GRM5: variants seen among roughly 807,000 people sequenced by gnomAD.
GRM5 encodes metabotropic glutamate receptor 5.
GRM5 carries 19 observed loss-of-function variants against 83.1 expected under a neutral mutation model. That is an observed-to-expected ratio of 0.23 (90% CI 0.16 to 0.34). The LOEUF is 0.34. GRM5 is among the 10% of genes least tolerant of loss of function. The pLI, the probability that GRM5 is intolerant of heterozygous loss-of-function variation, is 1.00. For missense variants in GRM5, 1,160 were observed against 1,588.3 expected, an observed-to-expected ratio of 0.73 and a Z score of 4.58; for synonymous variants, 675 against 633.6, an observed-to-expected ratio of 1.07 and a Z score of -0.98.
Position 88,654,003 on chromosome 11 carries a change from A to G in GRM5, c.912-600T>C, listed in dbSNP as rs1939703948. ...AATCTTTGTAGTCCATAGTCCATAC[A>G]CTATTTTCTATCCCATGGAATCTCT... On this transcript the variant is annotated intron_variant, in intron 3 of 9. Transcript: ENST00000305447. Among the ~76,000 whole-genome samples, 3 of 152,186 alleles carry G rather than the reference A, an allele frequency of 2.0e-5. No individual in the cohort carries two copies. In the South Asian group the frequency reaches 6.2e-4, roughly 32 times the overall value.
At position 88,597,298 on chromosome 11, in the gene GRM5, G is replaced by T; in HGVS notation, c.1449C>A (p.Asn483Lys). 1 of 1,571,438 alleles carries T rather than the reference G, an allele frequency of 6.4e-7. No individual in the cohort carries two copies. The highest frequency in any genetic ancestry group is 8.8e-7 in the Non-Finnish European group (1 of 1,142,744). ...ATTCTCCATTGTCCCAACTTCCAAC[G>T]TTGATATAATCAAAGTAATCTTTTC... ...EMGKDYFDYI[N>K]VGSWDNGELK... The change falls in exon 6 of 10, where the codon AAC becomes AAA. Residue 483 changes from asparagine (N) to lysine (K), a missense_variant. This residue lies in a region of GRM5 where 132 missense variants were observed against 197.6 expected (regional missense o/e 0.67). Coordinates refer to ENST00000305447, the MANE Select transcript of GRM5 (RefSeq NM_001143831.3).
chr11:88,613,207 T>G (rs1938376668), intron 4 of GRM5, among the ~76,000 whole-genome samples: 1 of 152,172 alleles, frequency 6.6e-6, no homozygotes, highest in Non-Finnish European at 1.5e-5. Context: ...AGATGTGTAA[T>G]TAGCTCCAAT....
intron 4 of GRM5, among the ~76,000 whole-genome samples, chr11:88,632,408 T>A (rs1204923606): frequency 6.6e-6 from 1 of 151,964 alleles, no homozygotes; most frequent in Non-Finnish European, 1.5e-5. Flanking sequence ...AATGTTTCTA[T>A]TTTTTTGTAG....
At chr11:88,583,114 G>GTT (rs111498481) in intron 7 of GRM5, among the ~76,000 whole-genome samples, 1 of 145,736 alleles carries the variant, frequency 6.9e-6, no homozygotes, top group African/African-American at 2.5e-5. Context: ...TTATTAAAAG[G>GTT]CAAAAAAAAA....
intron 8 of GRM5, among the ~76,000 whole-genome samples, chr11:88,549,835 TTGAATAATGTGA>T (rs1942465194): frequency 6.6e-6 from 1 of 152,102 alleles, no homozygotes; most frequent in African/African-American, 2.4e-5. Context: ...AATTTGAGTA[TTGAATAATGTGA>T]TTACATTTTC....
At chr11:89,040,531 C>CA (rs1189767902) in intron 2 of GRM5, among the ~76,000 whole-genome samples, 1 of 151,954 alleles carries the variant, frequency 6.6e-6, no homozygotes, top group Non-Finnish European at 1.5e-5. Context: ...CTCATCTCTA[C>CA]AAAAAATTAA....
chr11:88,764,966 A>G (rs553159928), intron 3 of GRM5, among the ~76,000 whole-genome samples: 1 of 151,656 alleles, frequency 6.6e-6, no homozygotes, highest in South Asian at 2.1e-4. Flanking sequence ...AGGTAGATGG[A>G]CAAACAAAAG....
At chr11:88,872,267 C>A (rs1204353121) in intron 2 of GRM5, among the ~76,000 whole-genome samples, 3 of 151,384 alleles carry the variant, frequency 2.0e-5, no homozygotes, top group Non-Finnish European at 4.4e-5. Flanking sequence ...ATGCAGGAAA[C>A]AAGGCACTAA....
chr11:88,677,364 A>T (rs1201414916), intron 3 of GRM5, among the ~76,000 whole-genome samples: 1 of 152,090 alleles, frequency 6.6e-6, no homozygotes, highest in East Asian at 1.9e-4. Context: ...TTTAGTTATT[A>T]GTTTAGGTAA....
At chr11:88,978,687 T>A (rs571103211) in intron 2 of GRM5, among the ~76,000 whole-genome samples, 2 of 151,864 alleles carry the variant, frequency 1.3e-5, no homozygotes, top group Admixed American at 1.3e-4. Flanking sequence ...AAAATGTTGA[T>A]GTTGGAGAGA....
At chr11:88,548,071 T>A (rs2135142600) in intron 8 of GRM5, among the ~76,000 whole-genome samples, 1 of 152,310 alleles carries the variant, frequency 6.6e-6, no homozygotes, top group East Asian at 1.9e-4. Context: ...AGAAAACTTA[T>A]TTTAGCCAAA....
chr11:88,751,202 C>A lies in GRM5; in HGVS notation c.912-97799G>T, dbSNP rs142365006. The stretch of plus-strand genomic sequence containing the variant: ...CTTTTGAAAAAATTAATAAAACAGA[C>A]CACTAGCTAGATTAAAAAGAAGGAA... On this transcript the variant is annotated intron_variant, in intron 3 of 9. Transcript: ENST00000305447. Among the ~76,000 whole-genome samples the A allele has an allele frequency of 2.0e-4, 30 of 150,872 alleles. No homozygotes were observed. The East Asian group carries it at 5.8e-3, about 29-fold the overall frequency.
At position 88,507,666 on chromosome 11, in the gene GRM5, A is replaced by G. The variant is rs1329266727; in HGVS notation, c.*926T>C. 1 of 152,362 alleles carries G rather than the reference A, an allele frequency of 6.6e-6. No homozygotes were observed. The highest frequency in any genetic ancestry group is 1.5e-5 in the Non-Finnish European group (1 of 68,036). 9.4% of individuals were successfully genotyped at this position (152,362 alleles called of 1,614,324 possible). ...AATGCAAACGCAACAGCATTCCTAAAGAGTGGCCATGTTTCTTGAAAGAGA... is the reference window on the plus strand; with the variant it reads ...AATGCAAACGCAACAGCATTCCTAAGGAGTGGCCATGTTTCTTGAAAGAGA... On this transcript the variant is annotated 3_prime_UTR_variant, in exon 10 of 10. Transcript: ENST00000305447.
chr11:88,651,227 A>G (rs545684286), intron 4 of GRM5, among the ~76,000 whole-genome samples: 8 of 152,206 alleles, frequency 5.3e-5, no homozygotes, highest in African/African-American at 1.9e-4. Context: ...CAGGAAATAA[A>G]GAGTCAGAGA....
intron 3 of GRM5, among the ~76,000 whole-genome samples, chr11:88,778,749 C>G (rs1255234877): frequency 6.6e-6 from 1 of 152,184 alleles, no homozygotes; most frequent in East Asian, 1.9e-4. Context: ...AACTTATGAT[C>G]AGTGCCAGGT....
chr11:88,822,946 A>G (rs560607857), intron 3 of GRM5, among the ~76,000 whole-genome samples: 149 of 152,102 alleles, frequency 9.8e-4, no homozygotes, highest in African/African-American at 3.5e-3. Context: ...GGTAATTTCA[A>G]TCTTGAAATT....
At chr11:89,044,183 A>AGTGC (rs1941593145) in intron 2 of GRM5, among the ~76,000 whole-genome samples, 1 of 152,168 alleles carries the variant, frequency 6.6e-6, no homozygotes, top group African/African-American at 2.4e-5. Flanking sequence ...TACTCCATTA[A>AGTGC]AAGAAGTGAT....
chr11:88,539,282 A>G (rs906592014), intron 8 of GRM5, among the ~76,000 whole-genome samples: 3 of 152,198 alleles, frequency 2.0e-5, no homozygotes, highest in Non-Finnish European at 4.4e-5. Flanking sequence ...TCTTAAATAA[A>G]GCTCCCCAAG....
Position 88,927,253 on chromosome 11 carries a change from G to A in GRM5, c.662-77098C>T, listed in dbSNP as rs3907820. Among the ~76,000 whole-genome samples the A allele has an allele frequency of 2.0e-4, 31 of 152,078 alleles. 1 individual carries two copies. Among genetic ancestry groups the A allele is most frequent in the Middle Eastern group, 3.4e-3 (1 of 292 alleles). ...TCGATTCTTCTAGGGCTATTTACAC[G>A]TAGCCAAATACCCCAGAATTTAAAA... On this transcript the variant is annotated intron_variant, in intron 2 of 9. Coordinates refer to ENST00000305447, the MANE Select transcript of GRM5 (RefSeq NM_001143831.3).
Sources: gnomAD v4.1 joint callset for allele counts (sites outside exome capture counted in the v4.1 genomes callset) on GRCh38, gnomAD v4.1.1 for gene constraint, gnomAD v4.1.1 regional missense constraint, MANE v1.5 for transcripts, NCBI Gene and HGNC (gene_info 2026-07-23, HGNC 2026-07-21) for gene names.